Variants in RALYL observed in about 807,000 individuals in gnomAD.
RALYL encodes the protein RNA-binding Raly-like protein.
Under a neutral mutation model 35.1 loss-of-function variants are expected in RALYL, and 29 were observed. The observed-to-expected ratio is 0.83, with a 90% CI of 0.61 to 1.13. The LOEUF is 1.13. Among genes scored for constraint, RALYL ranks in the 50% most tolerant of loss-of-function variants. RALYL has a pLI of 0.00. For missense variants in RALYL, 359 were observed against 360.4 expected, an observed-to-expected ratio of 1.00 and a Z score of 0.03; for synonymous variants, 120 against 127.6, an observed-to-expected ratio of 0.94 and a Z score of 0.40.
At chr8:84,723,134 G>A (rs1563439977) in intron 2 of RALYL, among the ~76,000 whole-genome samples, 1 of 152,042 alleles carries the variant, frequency 6.6e-6, no homozygotes, top group Non-Finnish European at 1.5e-5. Flanking sequence ...CAGAATGGGT[G>A]TAACTAAATT....
intron 1 of RALYL, among the ~76,000 whole-genome samples, chr8:84,387,221 C>T (rs1189108927): frequency 2.0e-5 from 3 of 151,756 alleles, no homozygotes; most frequent in Non-Finnish European, 4.4e-5. Flanking sequence ...GTGCCAGGTA[C>T]TATATGGTAG....
intron 3 of RALYL, among the ~76,000 whole-genome samples, chr8:84,791,139 G>T (rs1820676465): frequency 6.6e-6 from 1 of 152,160 alleles, no homozygotes; most frequent in Admixed American, 6.6e-5. Context: ...AGAAGATTTT[G>T]GAAGTAGGAA....
chr8:84,648,015 A>G (rs56335539), intron 2 of RALYL, among the ~76,000 whole-genome samples: 29,700 of 152,012 alleles, frequency 0.2, 3,145 homozygotes, highest in Non-Finnish European at 0.23. Flanking sequence ...TGCTCTTTGC[A>G]TAGCTGTCTT....
chr8:84,573,636 T>C (rs1019685809), intron 2 of RALYL, among the ~76,000 whole-genome samples: 1 of 151,868 alleles, frequency 6.6e-6, no homozygotes, highest in Admixed American at 6.6e-5. Context: ...TTCTCTCTTT[T>C]TGAACTCCAA....
chr8:84,327,411 G>C (rs1352005082), intron 1 of RALYL, among the ~76,000 whole-genome samples: 1 of 152,094 alleles, frequency 6.6e-6, no homozygotes, highest in Admixed American at 6.5e-5. Context: ...GGAGGAGATA[G>C]GTCTATAGAG....
intron 4 of RALYL, among the ~76,000 whole-genome samples, chr8:84,818,856 CAGTG>C (rs1237920188): frequency 6.6e-6 from 1 of 152,122 alleles, no homozygotes; most frequent in Non-Finnish European, 1.5e-5. Flanking sequence ...ATGTCGAAAT[CAGTG>C]AGTGAGTGGT....
chr8:84,201,426 G>A (rs1003852662), intron 1 of RALYL, among the ~76,000 whole-genome samples: 2 of 152,160 alleles, frequency 1.3e-5, no homozygotes, highest in African/African-American at 4.8e-5. Context: ...GTCTCTGTAT[G>A]TAAGGGTAAT....
intron 2 of RALYL, among the ~76,000 whole-genome samples, chr8:84,570,947 A>C (rs890494505): frequency 6.6e-6 from 1 of 151,788 alleles, no homozygotes; most frequent in African/African-American, 2.4e-5. Flanking sequence ...GACCATGATA[A>C]ATTATCTTTT....
intron 2 of RALYL, among the ~76,000 whole-genome samples, chr8:84,661,825 CT>C (rs1830985786): frequency 6.6e-6 from 1 of 151,814 alleles, no homozygotes; most frequent in Admixed American, 6.6e-5. Flanking sequence ...TTCTTCTTGC[CT>C]CTTTTCTTCC....
chr8:84,813,388 G>A (rs980241687), intron 4 of RALYL, among the ~76,000 whole-genome samples: 4 of 152,150 alleles, frequency 2.6e-5, no homozygotes, highest in South Asian at 2.1e-4. Context: ...GCCTCTGCAC[G>A]CTGCTCTGTC....
intron 1 of RALYL, among the ~76,000 whole-genome samples, chr8:84,366,763 CAA>C (rs1166208925): frequency 3.2e-4 from 18 of 56,674 alleles, no homozygotes; most frequent in East Asian, 1.5e-3. Context: ...ATTTTTGTCT[CAA>C]AAAAAAAAAA....
At chr8:84,470,104 G>A (rs564983284) in intron 1 of RALYL, among the ~76,000 whole-genome samples, 7 of 152,228 alleles carry the variant, frequency 4.6e-5, no homozygotes, top group Admixed American at 2.0e-4. Context: ...CATCTTCTGC[G>A]TCGCTCACGC....
At chr8:84,383,507 A>C (rs1858454425) in intron 1 of RALYL, among the ~76,000 whole-genome samples, 1 of 151,606 alleles carries the variant, frequency 6.6e-6, no homozygotes, top group Non-Finnish European at 1.5e-5. Context: ...TATGTTTGGA[A>C]ATTTTGTGTT....
chr8:84,886,623 T>C (rs530337672), intron 7 of RALYL, among the ~76,000 whole-genome samples: 1 of 152,156 alleles, frequency 6.6e-6, no homozygotes, highest in Admixed American at 6.6e-5. Context: ...CATACAATGA[T>C]CTAATTTATC....
chr8:84,803,070 T>C (rs1344383221), intron 3 of RALYL, among the ~76,000 whole-genome samples: 1 of 152,158 alleles, frequency 6.6e-6, no homozygotes, highest in Non-Finnish European at 1.5e-5. Flanking sequence ...AGGGGGACGA[T>C]GTAGTGTATA....
intron 2 of RALYL, among the ~76,000 whole-genome samples, chr8:84,551,947 A>G (rs991829466): frequency 5.3e-5 from 8 of 152,138 alleles, no homozygotes; most frequent in African/African-American, 1.4e-4. Flanking sequence ...CCTCAGTACT[A>G]TAGATACTCC....
At chr8:84,900,113 T>G (rs752912540) in intron 8 of RALYL, among the ~76,000 whole-genome samples, 114 of 152,140 alleles carry the variant, frequency 7.5e-4, no homozygotes, top group Non-Finnish European at 1.4e-3. Context: ...AAATAACAAA[T>G]CTAGAGTATA....
chr8:84,232,868 TA>T (rs1825671438), intron 1 of RALYL, among the ~76,000 whole-genome samples: 1 of 152,154 alleles, frequency 6.6e-6, no homozygotes, highest in African/African-American at 2.4e-5. Context: ...AATAATATAA[TA>T]AAACAGCCAT....
At chr8:84,242,360 T>C (rs1443537623) in intron 1 of RALYL, among the ~76,000 whole-genome samples, 6 of 152,200 alleles carry the variant, frequency 3.9e-5, no homozygotes, top group African/African-American at 1.2e-4. Context: ...ATATACCCAA[T>C]AACAGAATTG....
Sources: allele counts gnomAD v4.1 joint callset (sites outside exome capture counted in the v4.1 genomes callset), GRCh38; gene constraint gnomAD v4.1.1; transcripts MANE v1.5; gene names NCBI Gene and HGNC (gene_info 2026-07-23, HGNC 2026-07-21).